TMC5: variants seen among roughly 807,000 people sequenced by gnomAD.
TMC5 encodes the protein transmembrane channel-like protein 5.
In TMC5, 86 loss-of-function variants were observed where a neutral mutation model predicts 110.5. That is an observed-to-expected ratio of 0.78 (90% CI 0.65 to 0.93). TMC5 has a LOEUF of 0.93. TMC5 is among the 40% of genes least tolerant of loss of function. The probability of loss-of-function intolerance (pLI) is 0.00; values close to 1 mark genes in which losing one functional copy is unlikely to be tolerated. For missense variants in TMC5, 1,144 were observed against 1,222.8 expected, an observed-to-expected ratio of 0.94 and a Z score of 0.96; for synonymous variants, 455 against 439.5, an observed-to-expected ratio of 1.04 and a Z score of -0.44.
At chr16:19,456,753 A>G in intron 5 of TMC5, 1 of 1,614,074 alleles carries the variant, frequency 6.2e-7, no homozygotes, top group Non-Finnish European at 8.5e-7. Flanking sequence ...CAGGTTGAGA[A>G]TGTTTCCTCT....
At chr16:19,430,790 C>G (rs1203088868) in intron 2 of TMC5, 150 bp downstream of exon 2, 3 of 151,648 alleles carry the variant, frequency 2.0e-5, no homozygotes, top group Non-Finnish European at 4.4e-5. Flanking sequence ...CTTTAATATC[C>G]TTAGATGGCA....
chr16:19,434,261 CTATAA>C (rs1314879427), intron 2 of TMC5, among the ~76,000 whole-genome samples: 1 of 92,194 alleles, frequency 1.1e-5, no homozygotes, highest in Non-Finnish European at 2.2e-5. Flanking sequence ...ATATATATAT[CTATAA>C]TATATATAGA....
intron 11 of TMC5, among the ~76,000 whole-genome samples, chr16:19,473,907 G>A (rs1427772711): frequency 1.3e-5 from 2 of 152,098 alleles, no homozygotes; most frequent in African/African-American, 4.8e-5. Flanking sequence ...TTGAACCGAG[G>A]AAGTGGAAGT....
chr16:19,428,195 ATCT>A (rs1021452473), intron 1 of TMC5, among the ~76,000 whole-genome samples: 3 of 152,170 alleles, frequency 2.0e-5, no homozygotes, highest in Non-Finnish European at 2.9e-5. Context: ...AAATAAAATA[ATCT>A]TCTCATTCTA....
rs771516784 is a variant in TMC5 at position 19,498,022 on chromosome 16, T to A, written c.*56T>A. 1.3e-6 allele frequency: 2 copies of A among 1,532,544 alleles called. No individual in the cohort carries two copies. The highest frequency in any genetic ancestry group is 1.8e-6 in the Non-Finnish European group (2 of 1,105,438). 94.9% of individuals were successfully genotyped at this position (1,532,544 alleles called of 1,614,324 possible). ...ATAAGGGGAGGAGACGAAAATGGAA[T>A]GATTTCTTCCATGCCACCTGTGCCT... On this transcript the variant is annotated 3_prime_UTR_variant, in exon 22 of 22. Transcript: ENST00000542583.
At chr16:19,444,516 G>T (rs1464883002) in intron 4 of TMC5, among the ~76,000 whole-genome samples, 1 of 152,172 alleles carries the variant, frequency 6.6e-6, no homozygotes, top group Admixed American at 6.6e-5. Context: ...GTGAAGCTCA[G>T]TCCATGGTGG....
Position 19,474,163 on chromosome 16 carries a change from A to G in TMC5, c.1977A>G (p.Leu659=), listed in dbSNP as rs1263502827. The change falls in exon 12 of 22, where the codon TTA becomes TTG. Residue 659 remains leucine (L), a synonymous_variant. Transcript: ENST00000542583. ...ACAGTAACCCTGGGGCGGTGCTGTT[A>G]CTGCCTTTCGTTGTGTCCTGCATTA... ...KTHSNPGAVL[L]LPFVVSCINL... 1 of 1,613,940 alleles carries G rather than the reference A, an allele frequency of 6.2e-7. No homozygotes were observed. Among genetic ancestry groups the G allele is most frequent in the South Asian group, 1.1e-5 (1 of 91,076 alleles).
At chr16:19,492,301 A>C in intron 19 of TMC5, 73 bp downstream of exon 19, 2 of 1,057,188 alleles carry the variant, frequency 1.9e-6, no homozygotes, top group Non-Finnish European at 1.5e-6. Context: ...CTCCAAAATA[A>C]AGAGAATACT....
In TMC5 at chr16:19,466,121, A is replaced by G. The variant is rs1342088988; in HGVS notation, c.1525A>G (p.Thr509Ala). 6.2e-7 allele frequency: 1 copy of G among 1,613,848 alleles called. No individual in the cohort carries two copies. Among genetic ancestry groups the G allele is most frequent in the African/African-American group, 1.3e-5 (1 of 74,844 alleles). The change falls in exon 9 of 22, where the codon ACC becomes GCC. Residue 509 changes from threonine (T) to alanine (A), a missense_variant. Coordinates refer to ENST00000542583, the MANE Select transcript of TMC5 (RefSeq NM_001261841.2). The part of the protein sequence containing the change: ...RDTVMYYGFY[T>A]NSTIQHGNSG... ...CACAGTGATGTACTATGGCTTTTAC[A>G]CCAATTCCACCATCCAGCACGGGAA...
Position 19,440,701 on chromosome 16 carries a change from G to A in TMC5, c.663G>A (p.Gly221=). The change falls in exon 3 of 22, where the codon GGG becomes GGA. Residue 221 remains glycine (G), a synonymous_variant. Transcript: ENST00000542583. ...AACCTAACTCTCCACCCTTTTTTGGGGAGCCAGACTATCCCAGTGCTGAGG... is the reference window on the plus strand; with the variant it reads ...AACCTAACTCTCCACCCTTTTTTGGAGAGCCAGACTATCCCAGTGCTGAGG... ...DIQPNSPPFF[G]EPDYPSAEDN... The A allele has an allele frequency of 6.2e-7, 1 of 1,614,072 alleles. No individual in the cohort carries two copies.
intron 5 of TMC5, among the ~76,000 whole-genome samples, chr16:19,455,975 A>G (rs1323376602): frequency 6.6e-6 from 1 of 152,184 alleles, no homozygotes; most frequent in Admixed American, 6.6e-5. Context: ...TGGGAGGCCG[A>G]GGCAGGAGGA....
chr16:19,464,002 G>A lies in TMC5; in HGVS notation c.1463G>A (p.Gly488Glu). ...AAAAAGAACACCCTCCAGTTCACTG[G>A]GCTGGAGTTTTTCACTGGGGTGGTA... is the stretch of plus-strand genomic sequence containing the variant. The part of the protein sequence containing the change: ...VAKKNTLQFT[G>E]LEFFTGVGYF... Residue 488 changes from glycine to glutamate, a missense_variant, in exon 8 of 22, where the codon GGG (glycine) becomes GAG (glutamate). Coordinates refer to ENST00000542583, the MANE Select transcript of TMC5 (RefSeq NM_001261841.2). 6.2e-7 allele frequency: 1 copy of A among 1,614,044 alleles called. No individual in the cohort carries two copies. The highest frequency in any genetic ancestry group is 1.1e-5 in the South Asian group (1 of 91,060).
chr16:19,449,911 C>A (rs1319902757), intron 5 of TMC5, among the ~76,000 whole-genome samples: 2 of 152,144 alleles, frequency 1.3e-5, no homozygotes, highest in Non-Finnish European at 2.9e-5. Context: ...TGCCCCCCAG[C>A]CATGAGGAAC....
chr16:19,417,453 C>T (rs117885172), upstream of TMC5, among the ~76,000 whole-genome samples: 635 of 149,264 alleles, frequency 4.3e-3, 6 homozygotes, highest in South Asian at 0.012. Context: ...AGCCAGTGCC[C>T]GGGGGTGTCT....
At chr16:19,452,089 G>A (rs1047563350) in intron 5 of TMC5, among the ~76,000 whole-genome samples, 2 of 152,102 alleles carry the variant, frequency 1.3e-5, no homozygotes, top group African/African-American at 4.8e-5. Context: ...ATGAGCCACC[G>A]CACCCAGCCC....
chr16:19,442,325 A>AC (rs1369321313), intron 3 of TMC5, among the ~76,000 whole-genome samples: 2 of 123,446 alleles, frequency 1.6e-5, no homozygotes, highest in Non-Finnish European at 3.5e-5. Flanking sequence ...ACAAAATGTA[A>AC]TTTTTTTTTT....
intron 11 of TMC5, among the ~76,000 whole-genome samples, chr16:19,473,774 G>A (rs1021331232): frequency 6.6e-6 from 1 of 152,094 alleles, no homozygotes; most frequent in African/African-American, 2.4e-5. Flanking sequence ...GAGGTCGGGA[G>A]TTAGAGACCA....
chr16:19,446,082 G>A (rs144508028), intron 4 of TMC5, among the ~76,000 whole-genome samples: 5,111 of 116,310 alleles, frequency 0.044, 208 homozygotes, highest in African/African-American at 0.1. Flanking sequence ...GAGGGGAGGG[G>A]AAGAGTTGGG....
chr16:19,420,930 G>C (rs767850162), intron 1 of TMC5, among the ~76,000 whole-genome samples: 2 of 152,276 alleles, frequency 1.3e-5, no homozygotes, highest in Non-Finnish European at 2.9e-5. Context: ...CTGTGTCAGA[G>C]ACTTGAGTTA....
Sources: gnomAD v4.1 joint callset for allele counts (sites outside exome capture counted in the v4.1 genomes callset) on GRCh38, gnomAD v4.1.1 for gene constraint, MANE v1.5 for transcripts, NCBI Gene and HGNC (gene_info 2026-07-23, HGNC 2026-07-21) for gene names.